Variants in PHB1 observed in about 807,000 individuals in gnomAD.
PHB1 encodes the protein epididymis luminal protein 215.
the PHB1 span, chr17:49,409,204 A>C: frequency 6.3e-7 from 1 of 1,576,924 alleles, no homozygotes; most frequent in Non-Finnish European, 8.7e-7. Context: ...GTTAATGAGG[A>C]AGCAGAAAAG....
At chr17:49,408,116 C>G in the PHB1 span, among the ~76,000 whole-genome samples, 1 of 152,304 alleles carries the variant, frequency 6.6e-6, no homozygotes, top group Middle Eastern at 3.4e-3. Flanking sequence ...TTCAGGTTAA[C>G]GGTAATTACG....
At chr17:49,411,577 C>T in the PHB1 span, 1 of 1,049,336 alleles carries the variant, frequency 9.5e-7, no homozygotes, top group South Asian at 1.5e-5. Flanking sequence ...ACAGTTCAAA[C>T]TCTTTTGGAT....
the PHB1 span, among the ~76,000 whole-genome samples, chr17:49,405,985 C>T: frequency 2.0e-5 from 3 of 152,166 alleles, no homozygotes; most frequent in Non-Finnish European, 4.4e-5. Flanking sequence ...AGGAAGAAGA[C>T]AGTATTAAGC....
the PHB1 span, chr17:49,404,243 T>G: frequency 6.6e-6 from 1 of 152,632 alleles, no homozygotes; most frequent in African/African-American, 2.4e-5. Flanking sequence ...TTCCACTGGG[T>G]ATCTGAGAGG....
At chr17:49,405,197 T>C in the PHB1 span, 1 of 1,613,830 alleles carries the variant, frequency 6.2e-7, no homozygotes, top group Non-Finnish European at 8.5e-7. Context: ...CTTTTTCTGT[T>C]GCTCAGCCTA....
the PHB1 span, chr17:49,404,838 G>C: frequency 1.6e-6 from 1 of 614,824 alleles, no homozygotes; most frequent in Non-Finnish European, 2.9e-6. Flanking sequence ...AGACTAATTA[G>C]AGATCTGAAG....
chr17:49,409,546 T>TG, the PHB1 span: 240 of 914,364 alleles, frequency 2.6e-4, no homozygotes, highest in Non-Finnish European at 3.5e-4. Flanking sequence ...TTTTTTTGTT[T>TG]TTTTTTTTTT....
chr17:49,409,155 G>A, the PHB1 span: 2 of 1,612,984 alleles, frequency 1.2e-6, no homozygotes, highest in African/African-American at 1.3e-5. Flanking sequence ...GCATCAAAGC[G>A]AGCCTGGTTT....
At chr17:49,406,258 G>A in the PHB1 span, among the ~76,000 whole-genome samples, 10 of 152,294 alleles carry the variant, frequency 6.6e-5, no homozygotes, top group South Asian at 1.4e-3. Flanking sequence ...GGAAGAAGGG[G>A]ACAACAATAA....
the PHB1 span, chr17:49,412,132 C>T: frequency 1.3e-5 from 4 of 299,076 alleles, no homozygotes; most frequent in Admixed American, 1.4e-4. Flanking sequence ...CCTGAACTCC[C>T]ACCAACATAT....
chr17:49,409,897 T>G, the PHB1 span, among the ~76,000 whole-genome samples: 2 of 152,044 alleles, frequency 1.3e-5, no homozygotes, highest in Non-Finnish European at 2.9e-5. Flanking sequence ...TTTATGTATT[T>G]TGAGACAGGG....
chr17:49,410,117 A>T, the PHB1 span, among the ~76,000 whole-genome samples: 1 of 152,066 alleles, frequency 6.6e-6, no homozygotes, highest in Non-Finnish European at 1.5e-5. Context: ...TCCTGGGCTC[A>T]AGTGATCCAA....
chr17:49,411,976 G>A, the PHB1 span: 1 of 736,150 alleles, frequency 1.4e-6, no homozygotes, highest in Non-Finnish European at 2.2e-6. Context: ...CCCAACTCCT[G>A]GTCTCTAGAG....
chr17:49,405,959 G>A, the PHB1 span, among the ~76,000 whole-genome samples: 3 of 152,166 alleles, frequency 2.0e-5, no homozygotes, highest in Non-Finnish European at 4.4e-5. Context: ...TGCAACGTGT[G>A]ACCTTCAGGA....
chr17:49,409,572 G>A, the PHB1 span: 8 of 966,164 alleles, frequency 8.3e-6, no homozygotes, highest in Non-Finnish European at 1.2e-5. Context: ...ACAGGTTTTT[G>A]CTCTTGTTGC....
chr17:49,405,320 G>T, the PHB1 span: 1 of 810,282 alleles, frequency 1.2e-6, no homozygotes, highest in Non-Finnish European at 2.0e-6. Context: ...AACTCGGGGA[G>T]TTTACTTCCT....
the PHB1 span, among the ~76,000 whole-genome samples, chr17:49,409,690 C>A: frequency 2.0e-5 from 3 of 151,570 alleles, no homozygotes; most frequent in East Asian, 5.8e-4. Flanking sequence ...TACAGGCACG[C>A]GCCGCCACAC....
At chr17:49,412,082 G>C in the PHB1 span, 1 of 423,172 alleles carries the variant, frequency 2.4e-6, no homozygotes, top group Admixed American at 4.0e-5. Flanking sequence ...CTTTCTCCTT[G>C]AGGGAACTGG....
At chr17:49,413,196 C>T in the PHB1 span, 1 of 1,612,766 alleles carries the variant, frequency 6.2e-7, no homozygotes, top group Non-Finnish European at 8.5e-7. Flanking sequence ...AGGCAGAGTT[C>T]ACCACGCCTC....
Sources: allele counts gnomAD v4.1 joint callset (sites outside exome capture counted in the v4.1 genomes callset), GRCh38; gene constraint gnomAD v4.1.1; transcripts MANE v1.5; gene names NCBI Gene and HGNC (gene_info 2026-07-23, HGNC 2026-07-21).